PSMD14: variants seen among roughly 807,000 people sequenced by gnomAD.
PSMD14 encodes ubiquitin C-terminal hydrolase PSMD14.
In PSMD14, 7 loss-of-function variants were observed where a neutral mutation model predicts 41.2. The observed-to-expected ratio is 0.17, with a 90% CI of 0.10 to 0.32. The LOEUF is 0.32. Among genes scored for constraint, PSMD14 ranks in the 10% least tolerant of loss-of-function variants. PSMD14 has a pLI of 1.00. For missense variants in PSMD14, 139 were observed against 375.6 expected, an observed-to-expected ratio of 0.37 and a Z score of 5.21; for synonymous variants, 114 against 122.3, an observed-to-expected ratio of 0.93 and a Z score of 0.45.
intron 3 of PSMD14, among the ~76,000 whole-genome samples, chr2:161,343,157 C>G (rs1198776923): frequency 2.0e-5 from 3 of 152,122 alleles, no homozygotes; most frequent in African/African-American, 7.2e-5. Flanking sequence ...ACCATCACTG[C>G]CATCTGTCAG....
Position 161,398,889 on chromosome 2 carries a change from AGGTAAGATGATTATT to A in PSMD14, c.771+3687_771+3701del, listed in dbSNP as rs887468263. On this transcript the variant is annotated intron_variant, in intron 10 of 11. Coordinates refer to ENST00000409682, the MANE Select transcript of PSMD14 (RefSeq NM_005805.6). The stretch of plus-strand genomic sequence containing the variant: ...AACAGATATAAATATTGGGGAAAAC[AGGTAAGATGATTATT>A]ATTTGGATATGATAGAATGTGTTTG... Among the ~76,000 whole-genome samples, 155 of 152,234 alleles carry A rather than the reference AGGTAAGATGATTATT, an allele frequency of 1.0e-3. 1 individual carries two copies. The highest frequency in any genetic ancestry group is 3.6e-3 in the African/African-American group (151 of 41,574).
intron 3 of PSMD14, among the ~76,000 whole-genome samples, chr2:161,345,809 A>G (rs1683033756): frequency 6.6e-6 from 1 of 152,058 alleles, no homozygotes; most frequent in South Asian, 2.1e-4. Flanking sequence ...TCTGCTTATA[A>G]TTGTAGATGG....
At chr2:161,320,396 A>G (rs1265956509) in intron 3 of PSMD14, among the ~76,000 whole-genome samples, 1 of 152,212 alleles carries the variant, frequency 6.6e-6, no homozygotes, top group Non-Finnish European at 1.5e-5. Context: ...TCAAAGCTTT[A>G]TATCAAGTGA....
rs140904684 is a variant in PSMD14, at chr2:161,316,000, C to A, written c.-137-437C>A. On this transcript the variant is annotated intron_variant, in intron 1 of 11. Coordinates refer to ENST00000409682, the MANE Select transcript of PSMD14 (RefSeq NM_005805.6). ...GGGATTACAGGTGCCTGCCACCACGCCTGGCTAATTTTTTTGTATTTTTAG... is the reference window on the plus strand; with the variant it reads ...GGGATTACAGGTGCCTGCCACCACGACTGGCTAATTTTTTTGTATTTTTAG... Among the ~76,000 whole-genome samples, 793 of 152,120 alleles carry A rather than the reference C, an allele frequency of 5.2e-3. 51 individuals are homozygous for A. The South Asian group carries it at 0.12, about 23-fold the overall frequency.
intron 3 of PSMD14, among the ~76,000 whole-genome samples, chr2:161,352,466 T>TA (rs1683132552): frequency 6.6e-6 from 1 of 152,222 alleles, no homozygotes; most frequent in Non-Finnish European, 1.5e-5. Context: ...CCTTTTATTT[T>TA]GCCACTAGAA....
chr2:161,341,348 C>G, intron 3 of PSMD14: 1 of 1,003,400 alleles, frequency 1.0e-6, no homozygotes, highest in Non-Finnish European at 1.2e-6. Context: ...CGCCGAGTGC[C>G]GGCCAGCTGC....
At chr2:161,373,255 CAT>C (rs1683463607) in intron 7 of PSMD14, among the ~76,000 whole-genome samples, 1 of 151,672 alleles carries the variant, frequency 6.6e-6, no homozygotes, top group Non-Finnish European at 1.5e-5. Context: ...TTTATGAAAT[CAT>C]ATGTATCACT....
chr2:161,349,229 C>A (rs542337575), intron 3 of PSMD14, among the ~76,000 whole-genome samples: 2 of 152,298 alleles, frequency 1.3e-5, no homozygotes, highest in South Asian at 4.1e-4. Flanking sequence ...CCTAATAGTT[C>A]CCCTTTCTCT....
At chr2:161,374,178 A>AGAGGTCATTGT (rs1251917815) in intron 7 of PSMD14, among the ~76,000 whole-genome samples, 1 of 151,978 alleles carries the variant, frequency 6.6e-6, no homozygotes, top group African/African-American at 2.4e-5. Flanking sequence ...AATGAATACC[A>AGAGGTCATTGT]GAGGTCATTG....
At chr2:161,385,414 T>A (rs1683621253) in intron 7 of PSMD14, 50 bp from the exon 8 acceptor site, 1 of 1,088,482 alleles carries the variant, frequency 9.2e-7, no homozygotes, top group Non-Finnish European at 1.4e-6. Flanking sequence ...TTGCTTGGCA[T>A]TATCACTTGC....
At chr2:161,344,384 A>G (rs1683011780) in intron 3 of PSMD14, among the ~76,000 whole-genome samples, 1 of 152,184 alleles carries the variant, frequency 6.6e-6, no homozygotes, top group South Asian at 2.1e-4. Flanking sequence ...TTCTTGTTGT[A>G]TCCTCGCATA....
At chr2:161,318,224 C>G (rs981039083) in intron 2 of PSMD14, among the ~76,000 whole-genome samples, 1 of 152,120 alleles carries the variant, frequency 6.6e-6, no homozygotes, top group Non-Finnish European at 1.5e-5. Context: ...AGAACACTAT[C>G]TTAATATGTT....
chr2:161,390,329 A>C (rs1042565041), intron 8 of PSMD14, among the ~76,000 whole-genome samples: 2 of 152,064 alleles, frequency 1.3e-5, no homozygotes, highest in East Asian at 3.9e-4. Flanking sequence ...TCTGACTTTC[A>C]TGTTTTTCTA....
chr2:161,378,015 AT>A (rs1280732754), intron 7 of PSMD14, among the ~76,000 whole-genome samples: 1 of 151,916 alleles, frequency 6.6e-6, no homozygotes, highest in Non-Finnish European at 1.5e-5. Flanking sequence ...ATATATTTTA[AT>A]TTTTAAAGAT....
In PSMD14 at chr2:161,341,332, C is replaced by T. The variant is rs1459268463; in HGVS notation, c.48+22459C>T. On this transcript the variant is annotated intron_variant, in intron 3 of 11. Coordinates refer to ENST00000409682, the MANE Select transcript of PSMD14 (RefSeq NM_005805.6). Reference sequence around the variant, plus strand: ...AGCTCGGCCGGCGCCTCCATCGCGCCGCGGCCGCCGAGTGCCGGCCAGCTG... The same window carrying T: ...AGCTCGGCCGGCGCCTCCATCGCGCTGCGGCCGCCGAGTGCCGGCCAGCTG... The T allele has an allele frequency of 8.9e-6, 9 of 1,012,640 alleles. No individual in the cohort carries two copies. The South Asian group carries it at 1.3e-4, about 15-fold the overall frequency. The allele number at this position is 1,012,640 out of a possible 1,614,324, so 62.7% of individuals were successfully genotyped here. A position where few individuals can be genotyped will look rare whatever the true frequency, so the allele number is the denominator to read the frequency against.
intron 3 of PSMD14, among the ~76,000 whole-genome samples, chr2:161,325,188 A>G (rs1366537250): frequency 3.9e-5 from 6 of 152,296 alleles, no homozygotes; most frequent in Non-Finnish European, 8.8e-5. Context: ...TATCTCTGGT[A>G]CAGACCTCAT....
intron 3 of PSMD14, among the ~76,000 whole-genome samples, chr2:161,349,006 A>G (rs1357888456): frequency 1.3e-5 from 2 of 151,912 alleles, no homozygotes; most frequent in African/African-American, 4.8e-5. Flanking sequence ...TTGGCCTCTC[A>G]CTCCCAGAGA....
intron 3 of PSMD14, among the ~76,000 whole-genome samples, chr2:161,325,481 TG>T (rs1428559890): frequency 6.6e-6 from 1 of 152,210 alleles, no homozygotes; most frequent in East Asian, 1.9e-4. Context: ...GTCTAATGTT[TG>T]GTAGAGAAGT....
At chr2:161,371,554 A>T (rs551546024) in intron 7 of PSMD14, among the ~76,000 whole-genome samples, 1 of 152,242 alleles carries the variant, frequency 6.6e-6, no homozygotes, top group South Asian at 2.1e-4. Flanking sequence ...CTGAATATTT[A>T]TCTTTAAATT....
Sources: allele counts gnomAD v4.1 joint callset (sites outside exome capture counted in the v4.1 genomes callset), GRCh38; gene constraint gnomAD v4.1.1; transcripts MANE v1.5; gene names NCBI Gene and HGNC (gene_info 2026-07-23, HGNC 2026-07-21).